The following UGT8 variants were observed in gnomAD, a reference collection of about 807,000 sequenced individuals.
UGT8 encodes the protein UDP glycosyltransferase 8.
UGT8 carries 12 observed loss-of-function variants against 40.5 expected under a neutral mutation model. That is an observed-to-expected ratio of 0.30 (90% CI 0.19 to 0.48). The LOEUF is 0.48. Among genes scored for constraint, UGT8 ranks in the 20% least tolerant of loss-of-function variants. UGT8 has a pLI of 0.99. For missense variants in UGT8, 513 were observed against 648.7 expected, an observed-to-expected ratio of 0.79 and a Z score of 2.27; for synonymous variants, 224 against 240.4, an observed-to-expected ratio of 0.93 and a Z score of 0.63.
At chr4:114,612,074 A>G (rs1170319962) in intron 1 of UGT8, among the ~76,000 whole-genome samples, 1 of 152,196 alleles carries the variant, frequency 6.6e-6, no homozygotes, top group Non-Finnish European at 1.5e-5. Flanking sequence ...CTTAAGGACA[A>G]AAGAAAAATT....
chr4:114,648,543 A>C (rs551809572), intron 2 of UGT8, among the ~76,000 whole-genome samples: 1 of 152,296 alleles, frequency 6.6e-6, no homozygotes, highest in Non-Finnish European at 1.5e-5. Flanking sequence ...CATGGATTAT[A>C]ATTAAATAAG....
chr4:114,639,260 C>T lies in UGT8; in HGVS notation c.822+15558C>T, dbSNP rs1324640084. Reference sequence around the variant, plus strand: ...ATTCACTCAGTCATTCATCAATTCTCTCAGCAAATATATATTCAGTATCAG... The same window carrying T: ...ATTCACTCAGTCATTCATCAATTCTTTCAGCAAATATATATTCAGTATCAG... On this transcript the variant is annotated intron_variant, in intron 2 of 5. Transcript: ENST00000310836. Among the ~76,000 whole-genome samples, 3 of 152,192 alleles carry T rather than the reference C, an allele frequency of 2.0e-5. No individual in the cohort carries two copies. In the East Asian group the frequency reaches 5.8e-4, roughly 29 times the overall value.
chr4:114,606,820 C>G (rs1055095272), intron 1 of UGT8, among the ~76,000 whole-genome samples: 2 of 152,116 alleles, frequency 1.3e-5, no homozygotes, highest in Admixed American at 6.6e-5. Context: ...AGTGTCATAT[C>G]TGGGCTTTAT....
At chr4:114,633,736 G>A (rs2126107655) in intron 2 of UGT8, among the ~76,000 whole-genome samples, 1 of 152,304 alleles carries the variant, frequency 6.6e-6, no homozygotes. Flanking sequence ...AAGAGGTCAG[G>A]AGTTCGAGAC....
chr4:114,617,986 C>T (rs1731544617), intron 1 of UGT8, among the ~76,000 whole-genome samples: 2 of 152,044 alleles, frequency 1.3e-5, no homozygotes, highest in South Asian at 4.2e-4. Context: ...AAGTCCATAA[C>T]CTTAAAATTG....
chr4:114,658,123 A>G (rs1311510887), intron 2 of UGT8, among the ~76,000 whole-genome samples: 1 of 152,248 alleles, frequency 6.6e-6, no homozygotes, highest in Non-Finnish European at 1.5e-5. Context: ...AGCATTTGCT[A>G]TCAAAATGTT....
chr4:114,673,388 G>T (rs1365624756), intron 5 of UGT8, among the ~76,000 whole-genome samples: 1 of 152,166 alleles, frequency 6.6e-6, no homozygotes, highest in East Asian at 1.9e-4. Flanking sequence ...CATACAAAAT[G>T]AAATCGGTTA....
intron 2 of UGT8, among the ~76,000 whole-genome samples, chr4:114,626,396 A>G (rs1732222237): frequency 6.6e-6 from 1 of 152,216 alleles, no homozygotes; most frequent in Non-Finnish European, 1.5e-5. Context: ...TTGCCCTGGT[A>G]TCTTACACTG....
chr4:114,640,305 C>T (rs1458792853), intron 2 of UGT8, among the ~76,000 whole-genome samples: 1 of 152,140 alleles, frequency 6.6e-6, no homozygotes, highest in East Asian at 1.9e-4. Context: ...GCTGGGATTA[C>T]AGGCGTGAGC....
intron 3 of UGT8, chr4:114,665,371 G>T (rs1039070581): frequency 2.0e-6 from 2 of 985,100 alleles, no homozygotes; most frequent in Non-Finnish European, 2.4e-6. Flanking sequence ...TCTAGTGTAG[G>T]TTTATTTGTT....
chr4:114,611,324 C>T (rs1181447621), intron 1 of UGT8, among the ~76,000 whole-genome samples: 1 of 149,486 alleles, frequency 6.7e-6, no homozygotes, highest in Admixed American at 6.7e-5. Flanking sequence ...GTGGAGATAA[C>T]TGTACCAGGC....
At chr4:114,673,447 T>C (rs1735427845) in intron 5 of UGT8, among the ~76,000 whole-genome samples, 1 of 152,206 alleles carries the variant, frequency 6.6e-6, no homozygotes, top group Non-Finnish European at 1.5e-5. Context: ...ACTAAGAGTC[T>C]GACCGATGAA....
chr4:114,630,020 A>T (rs1732474227), intron 2 of UGT8, among the ~76,000 whole-genome samples: 1 of 152,114 alleles, frequency 6.6e-6, no homozygotes, highest in African/African-American at 2.4e-5. Context: ...GTTTTGGGGG[A>T]TGATATTCTT....
intron 5 of UGT8, among the ~76,000 whole-genome samples, chr4:114,673,412 CT>C (rs940078137): frequency 5.3e-5 from 8 of 152,162 alleles, no homozygotes; most frequent in Non-Finnish European, 1.0e-4. Context: ...AGCAATCCAG[CT>C]TTATAAGTCT....
chr4:114,636,180 A>AT (rs1732874582), intron 2 of UGT8, among the ~76,000 whole-genome samples: 1 of 152,224 alleles, frequency 6.6e-6, no homozygotes, highest in African/African-American at 2.4e-5. Context: ...AATGTCAAAT[A>AT]ATACATAGAT....
rs1417575377 is a variant in UGT8 at position 114,623,508 on chromosome 4, C to T, written c.628C>T (p.Leu210=). The T allele has an allele frequency of 1.9e-6, 3 of 1,614,104 alleles. No individual in the cohort carries two copies. The highest frequency in any genetic ancestry group is 2.2e-5 in the East Asian group (1 of 44,872). Residue 210 remains leucine (L), a synonymous_variant, in exon 2 of 6, where the codon CTG becomes TTG. Coordinates refer to ENST00000310836, the MANE Select transcript of UGT8 (RefSeq NM_001128174.3). ...CATTTCCAGATTAGGGGTCAGCTTT[C>T]TGGTTCTTCCCAAATATGAAAGGAT... ...YLISRLGVSF[L]VLPKYERIMQ...
intron 3 of UGT8, among the ~76,000 whole-genome samples, chr4:114,665,080 T>C (rs1257294746): frequency 6.6e-6 from 1 of 152,252 alleles, no homozygotes; most frequent in Non-Finnish European, 1.5e-5. Context: ...GGACAGTTTA[T>C]GTCTATTCCA....
intron 2 of UGT8, among the ~76,000 whole-genome samples, chr4:114,631,299 T>C (rs1484824078): frequency 6.6e-6 from 1 of 152,080 alleles, no homozygotes; most frequent in South Asian, 2.1e-4. Flanking sequence ...CTGGCCAACA[T>C]GATGTAACCC....
intron 2 of UGT8, among the ~76,000 whole-genome samples, chr4:114,654,423 A>G (rs1351299895): frequency 6.6e-6 from 1 of 152,070 alleles, no homozygotes; most frequent in Non-Finnish European, 1.5e-5. Flanking sequence ...AATCTACCCT[A>G]GTAACGTTTA....
Sources: gnomAD v4.1 joint callset for allele counts (sites outside exome capture counted in the v4.1 genomes callset) on GRCh38, gnomAD v4.1.1 for gene constraint, MANE v1.5 for transcripts, NCBI Gene and HGNC (gene_info 2026-07-23, HGNC 2026-07-21) for gene names.